KIF16B: variants seen among roughly 807,000 people sequenced by gnomAD.
KIF16B encodes the protein kinesin-like protein KIF16B.
In KIF16B, 98 loss-of-function variants were observed where a neutral mutation model predicts 156.3. The ratio of observed to expected loss-of-function variants is 0.63; its 90% CI spans 0.53 to 0.74. KIF16B has a LOEUF of 0.74. Among genes scored for constraint, KIF16B ranks in the 30% least tolerant of loss-of-function variants. The pLI, the probability that KIF16B is intolerant of heterozygous loss-of-function variation, is 0.00. For missense variants in KIF16B, 1,421 were observed against 1,606.5 expected (o/e 0.88, Z 1.97); for synonymous variants, 564 against 583.7 (o/e 0.97, Z 0.49).
chr20:16,488,038 T>C (rs981239435), intron 12 of KIF16B, among the ~76,000 whole-genome samples: 1 of 152,228 alleles, frequency 6.6e-6, no homozygotes, highest in African/African-American at 2.4e-5. Flanking sequence ...TGTGAGCGCC[T>C]GCTTCTCCTC....
intron 3 of KIF16B, among the ~76,000 whole-genome samples, chr20:16,523,864 G>A (rs2069438851): frequency 1.3e-5 from 2 of 151,916 alleles, no homozygotes; most frequent in South Asian, 2.1e-4. Flanking sequence ...CAGAACAGAG[G>A]CCGCAGAAAT....
At chr20:16,544,828 A>G (rs1001764153) in intron 1 of KIF16B, among the ~76,000 whole-genome samples, 1 of 152,038 alleles carries the variant, frequency 6.6e-6, no homozygotes, top group East Asian at 1.9e-4. Context: ...AACACCTAGC[A>G]CTGTCCTCAT....
chr20:16,543,033 C>A (rs996574029), intron 1 of KIF16B, among the ~76,000 whole-genome samples: 3 of 152,164 alleles, frequency 2.0e-5, no homozygotes, highest in African/African-American at 7.2e-5. Context: ...GGCCTGCTGA[C>A]AAACACTACT....
rs1202898778 is a variant in KIF16B, at chr20:16,379,285, T to G, written c.2717A>C (p.Glu906Ala). The change falls in exon 19 of 26, where the codon GAA becomes GCA. Residue 906 changes from glutamate to alanine, a missense_variant. Coordinates refer to ENST00000354981, the MANE Select transcript of KIF16B (RefSeq NM_024704.5). Reference sequence around the variant, plus strand: ...CTGCAGGAGGTACTGTAGCTGGCGTTCTTTATATTGCAGCCTGTACTCCAC... The same window carrying G: ...CTGCAGGAGGTACTGTAGCTGGCGTGCTTTATATTGCAGCCTGTACTCCAC... ...KPVEYRLQYK[E>A]RQLQYLLQNH... is the part of the protein sequence containing the mutation. 1.5e-5 allele frequency: 25 copies of G among 1,613,752 alleles called. No homozygotes were observed. The highest frequency in any genetic ancestry group is 2.0e-5 in the Non-Finnish European group (24 of 1,179,984).
chr20:16,453,121 T>A (rs1214668178), intron 12 of KIF16B, among the ~76,000 whole-genome samples: 3 of 129,862 alleles, frequency 2.3e-5, no homozygotes, highest in African/African-American at 6.3e-5. Flanking sequence ...AAAAAAAAAA[T>A]TACTCAGGTT....
At chr20:16,475,643 A>C (rs2067789528) in intron 12 of KIF16B, among the ~76,000 whole-genome samples, 1 of 152,220 alleles carries the variant, frequency 6.6e-6, no homozygotes, top group Admixed American at 6.5e-5. Context: ...TTGTACAAGG[A>C]ATTGTACATT....
In KIF16B at chr20:16,507,983, G is replaced by A; in HGVS notation, c.674C>T (p.Ala225Val). 1.9e-6 allele frequency: 3 copies of A among 1,614,122 alleles called. No homozygotes were observed. Among genetic ancestry groups the A allele is most frequent in the Non-Finnish European group, 2.5e-6 (3 of 1,179,998 alleles). Reference sequence around the variant, plus strand: ...CTGAGTGAACTTGATGGTGAAGATGGCATGAGACCTGCTACTGACGTCGTT... The same window carrying A: ...CTGAGTGAACTTGATGGTGAAGATGACATGAGACCTGCTACTGACGTCGTT... Reference protein sequence around the residue: ...GMNDVSSRSHAIFTIKFTQAK... With the variant: ...GMNDVSSRSHVIFTIKFTQAK... Residue 225 changes from alanine (A) to valine (V), a missense_variant, in exon 7 of 26, where the codon GCC (alanine) becomes GTC (valine). Transcript: ENST00000354981.
chr20:16,417,472 T>C (rs931827099), intron 15 of KIF16B, among the ~76,000 whole-genome samples: 3 of 152,136 alleles, frequency 2.0e-5, no homozygotes, highest in Non-Finnish European at 2.9e-5. Context: ...ACATTTCCCA[T>C]AGGATTTAAA....
At chr20:16,502,712 T>C (rs949704786) in intron 10 of KIF16B, among the ~76,000 whole-genome samples, 7 of 152,216 alleles carry the variant, frequency 4.6e-5, no homozygotes, top group African/African-American at 1.4e-4. Context: ...AGGTTTTTAA[T>C]CTATATAAGA....
intron 17 of KIF16B, among the ~76,000 whole-genome samples, chr20:16,404,020 G>A (rs1276825332): frequency 6.6e-6 from 1 of 152,146 alleles, no homozygotes; most frequent in Non-Finnish European, 1.5e-5. Context: ...TGTAAAATGG[G>A]AATAGGTTTG....
intron 25 of KIF16B, among the ~76,000 whole-genome samples, chr20:16,311,748 A>G (rs914236981): frequency 2.0e-5 from 3 of 152,208 alleles, no homozygotes; most frequent in Non-Finnish European, 4.4e-5. Flanking sequence ...CCAAATAAGC[A>G]ACTATATCCC....
chr20:16,273,026 A>G lies in KIF16B; in HGVS notation c.*227T>C. 9.7e-6 allele frequency: 5 copies of G among 513,916 alleles called. No homozygotes were observed. The highest frequency in any genetic ancestry group is 7.2e-5 in the South Asian group (3 of 41,808). 31.8% of individuals were successfully genotyped at this position (513,916 alleles called of 1,614,324 possible). A position where few individuals can be genotyped will look rare whatever the true frequency, so the allele number is the denominator to read the frequency against. ...TGGGAAAAGGCCACGTTCAACCGCA[A>G]TGGAACGGTAACGGCTGCCTGTCAG... On this transcript the variant is annotated 3_prime_UTR_variant, in exon 26 of 26. Coordinates refer to ENST00000354981, the MANE Select transcript of KIF16B (RefSeq NM_024704.5).
rs745788982 is a variant in KIF16B, at chr20:16,367,442, G to A, written c.3498+3144C>T. The A allele has an allele frequency of 1.6e-5, 26 of 1,612,872 alleles. No homozygotes were observed. The highest frequency in any genetic ancestry group is 2.2e-5 in the Non-Finnish European group (26 of 1,179,892). On this transcript the variant is annotated intron_variant, in intron 22 of 25. Coordinates refer to ENST00000354981, the MANE Select transcript of KIF16B (RefSeq NM_024704.5). The stretch of plus-strand genomic sequence containing the variant: ...TTGATCACATCAAATTGTGCACCCG[G>A]AGGAGGTATGTTTCGAGATCGAATG...
intron 3 of KIF16B, among the ~76,000 whole-genome samples, chr20:16,521,480 A>C (rs1408741310): frequency 2.6e-5 from 4 of 152,044 alleles, no homozygotes; most frequent in Admixed American, 6.6e-5. Context: ...AAAAAGAATG[A>C]AAAGGAATGA....
At chr20:16,489,441 C>T (rs1010902514) in intron 12 of KIF16B, among the ~76,000 whole-genome samples, 3 of 152,088 alleles carry the variant, frequency 2.0e-5, no homozygotes, top group African/African-American at 7.2e-5. Flanking sequence ...TCAACACTGT[C>T]ACCCCAGCAC....
At chr20:16,428,762 T>A (rs2066424157) in intron 14 of KIF16B, among the ~76,000 whole-genome samples, 191 bp downstream of exon 14, 1 of 152,172 alleles carries the variant, frequency 6.6e-6, no homozygotes, top group Non-Finnish European at 1.5e-5. Flanking sequence ...TCTGCATTAT[T>A]CATTTGAGTT....
chr20:16,273,811 G>A (rs1396775017), intron 25 of KIF16B, among the ~76,000 whole-genome samples: 2 of 152,128 alleles, frequency 1.3e-5, no homozygotes, highest in Admixed American at 6.5e-5. Context: ...AGCACGTGAG[G>A]AATGCCCTCC....
At chr20:16,401,066 C>T (rs2065643808) in intron 17 of KIF16B, among the ~76,000 whole-genome samples, 1 of 146,918 alleles carries the variant, frequency 6.8e-6, no homozygotes, top group Non-Finnish European at 1.5e-5. Context: ...TGGCAAGTTG[C>T]AGGGGCCTGG....
In KIF16B at chr20:16,509,617, T is replaced by C. The variant is rs374095690; in HGVS notation, c.557-1517A>G. Among the ~76,000 whole-genome samples the C allele has an allele frequency of 1.5e-4, 23 of 152,360 alleles. No homozygotes were observed. The East Asian group carries it at 3.7e-3, about 24-fold the overall frequency. On this transcript the variant is annotated intron_variant, in intron 6 of 25. Transcript: ENST00000354981. ...TAAAAATCATCTGTATTTCCGTTTC[T>C]ACAAACAGCCTAGTCATACATATTC... is the stretch of plus-strand genomic sequence containing the variant.
Sources: gnomAD v4.1 joint callset for allele counts (sites outside exome capture counted in the v4.1 genomes callset) on GRCh38, gnomAD v4.1.1 for gene constraint, MANE v1.5 for transcripts, NCBI Gene and HGNC (gene_info 2026-07-23, HGNC 2026-07-21) for gene names.